Variants in TAMM41 observed in about 807,000 individuals in gnomAD.
The protein encoded by TAMM41 is TAM41 mitochondrial translocator assembly and maintenance homolog.
A neutral mutation model predicts 44.1 loss-of-function variants in TAMM41; 36 were observed. The ratio of observed to expected loss-of-function variants is 0.82; its 90% CI spans 0.63 to 1.08. The LOEUF is 1.08. Ranked by LOEUF, TAMM41 falls within the 50% of genes least tolerant of loss-of-function variation. The pLI is 0.00. For missense variants in TAMM41, 417 were observed against 404.3 expected, an observed-to-expected ratio of 1.03 and a Z score of -0.27; for synonymous variants, 164 against 153.1, an observed-to-expected ratio of 1.07 and a Z score of -0.53.
intron 5 of TAMM41, among the ~76,000 whole-genome samples, chr3:11,814,616 G>A (rs924962785): frequency 6.6e-6 from 1 of 152,050 alleles, no homozygotes; most frequent in Non-Finnish European, 1.5e-5. Context: ...AATAATTACA[G>A]AAATAATAAA....
intron 1 of TAMM41, 39 bp downstream of exon 1, chr3:11,846,463 G>T: frequency 6.2e-7 from 1 of 1,613,214 alleles, no homozygotes; most frequent in Non-Finnish European, 8.5e-7. Flanking sequence ...GGACTCGTGA[G>T]AACAGACAGT....
At chr3:11,731,767 G>A in the TAMM41 span, among the ~76,000 whole-genome samples, 4 of 152,172 alleles carry the variant, frequency 2.6e-5, no homozygotes, top group Non-Finnish European at 4.4e-5. Context: ...AAAAGCCACA[G>A]TGATGCCCAG....
At chr3:11,774,870 A>ATTT in the TAMM41 span, among the ~76,000 whole-genome samples, 45,987 of 139,092 alleles carry the variant, frequency 0.33, 9,278 homozygotes, top group Admixed American at 0.46. Context: ...CATTGAAAGC[A>ATTT]TTTTTTTTTT....
At chr3:11,814,402 T>C (rs925021767) in intron 5 of TAMM41, among the ~76,000 whole-genome samples, 37 of 151,972 alleles carry the variant, frequency 2.4e-4, no homozygotes, top group African/African-American at 8.2e-4. Context: ...TAGGAAGCTA[T>C]AAGAAAGAAC....
chr3:11,733,529 G>A, the TAMM41 span, among the ~76,000 whole-genome samples: 1 of 151,182 alleles, frequency 6.6e-6, no homozygotes, highest in African/African-American at 2.4e-5. Context: ...GTCTCGCTCT[G>A]TCACCCAGGC....
the TAMM41 span, chr3:11,771,283 CAAAAG>C: frequency 6.6e-6 from 1 of 152,210 alleles, no homozygotes; most frequent in Non-Finnish European, 1.5e-5. Context: ...GGCTGGCTAT[CAAAAG>C]AGAAGAGAAC....
chr3:11,736,265 T>C, the TAMM41 span, among the ~76,000 whole-genome samples: 16 of 152,230 alleles, frequency 1.1e-4, no homozygotes, highest in East Asian at 2.9e-3. Context: ...CATGTGCCCA[T>C]GGAAAGGAAG....
At chr3:11,822,671 A>T (rs1009853693) in intron 4 of TAMM41, among the ~76,000 whole-genome samples, 1 of 152,230 alleles carries the variant, frequency 6.6e-6, no homozygotes, top group Admixed American at 6.5e-5. Context: ...TTACGACCTT[A>T]GCAAAATGTT....
chr3:11,833,016 G>A (rs2079042736), intron 3 of TAMM41: 2 of 1,062,894 alleles, frequency 1.9e-6, no homozygotes, highest in East Asian at 9.1e-5. Flanking sequence ...AAGGAAAAAT[G>A]TCAGTTCGGA....
the TAMM41 span, among the ~76,000 whole-genome samples, chr3:11,737,895 C>T: frequency 1.3e-5 from 2 of 152,284 alleles, no homozygotes; most frequent in East Asian, 1.9e-4. Flanking sequence ...TGCCATGGGC[C>T]GTTTGACAAC....
At chr3:11,766,311 T>A in the TAMM41 span, among the ~76,000 whole-genome samples, 11 of 152,114 alleles carry the variant, frequency 7.2e-5, no homozygotes, top group African/African-American at 2.6e-4. Context: ...GCTACAGGCA[T>A]GCACCACCAT....
At chr3:11,729,538 C>CTTTTTTTTT in the TAMM41 span, among the ~76,000 whole-genome samples, 121 of 65,520 alleles carry the variant, frequency 1.8e-3, 27 homozygotes, top group African/African-American at 5.5e-3. Flanking sequence ...TTCTTTCTTT[C>CTTTTTTTTT]ATTTTTTTTT....
intron 5 of TAMM41, among the ~76,000 whole-genome samples, chr3:11,816,042 T>C (rs1029324240): frequency 3.9e-5 from 6 of 152,206 alleles, no homozygotes; most frequent in Admixed American, 2.6e-4. Context: ...ATTCTCGCAT[T>C]TCATATGTCA....
intron 5 of TAMM41, chr3:11,811,511 G>A (rs1042612481): frequency 2.6e-5 from 4 of 152,176 alleles, no homozygotes; most frequent in Admixed American, 2.0e-4. Context: ...TTGAAAGCAT[G>A]AGTGTAAAGA....
In TAMM41 at chr3:11,846,599, A is replaced by T. The variant is rs190632734; in HGVS notation, c.38T>A (p.Phe13Tyr). Reference protein sequence around the residue: ...LQTLQSSWVTFRKILSHFPEE... With the variant: ...LQTLQSSWVTYRKILSHFPEE... ...GGGGAAGTGAGACAGGATCTTGCGG[A>T]AGGTCACCCACGAGCTCTGCAGCGT... Residue 13 changes from phenylalanine (F) to tyrosine (Y), a missense_variant, in exon 1 of 8, where the codon TTC becomes TAC. Physicochemically the swap from Phe to Tyr is conservative, Grantham distance 22 (BLOSUM62 3). Transcript: ENST00000455809. 1.1e-5 allele frequency: 17 copies of T among 1,614,200 alleles called. No homozygotes were observed. In the African/African-American group the frequency reaches 1.7e-4, roughly 16 times the overall value.
chr3:11,838,807 G>A (rs1459375843), intron 3 of TAMM41, among the ~76,000 whole-genome samples: 1 of 152,006 alleles, frequency 6.6e-6, no homozygotes. Context: ...AGGTGGGAGT[G>A]GGGGGCCTGA....
At chr3:11,834,023 C>T (rs778642271) in intron 3 of TAMM41, among the ~76,000 whole-genome samples, 9 of 151,984 alleles carry the variant, frequency 5.9e-5, no homozygotes, top group Non-Finnish European at 1.5e-5. Flanking sequence ...CAGGTGGATC[C>T]CTTCAGCCCA....
chr3:11,725,962 A>G, the TAMM41 span, among the ~76,000 whole-genome samples: 10 of 152,178 alleles, frequency 6.6e-5, no homozygotes, highest in Non-Finnish European at 8.8e-5. Context: ...AGGCTGTTCA[A>G]TGGGTGAGTG....
At chr3:11,836,210 C>T (rs770228347) in intron 3 of TAMM41, among the ~76,000 whole-genome samples, 2 of 152,058 alleles carry the variant, frequency 1.3e-5, no homozygotes, top group Admixed American at 1.3e-4. Flanking sequence ...AGGCTGTTCT[C>T]GAACTCTTGG....
Sources: gnomAD v4.1 joint callset for allele counts (sites outside exome capture counted in the v4.1 genomes callset) on GRCh38, gnomAD v4.1.1 for gene constraint, MANE v1.5 for transcripts, NCBI Gene and HGNC (gene_info 2026-07-23, HGNC 2026-07-21) for gene names.